Variants in BTF3L4 observed in about 807,000 individuals in gnomAD.
The protein encoded by BTF3L4 is transcription factor BTF3 homolog 4.
Under a neutral mutation model 16.8 loss-of-function variants are expected in BTF3L4, and 6 were observed. The ratio of observed to expected loss-of-function variants is 0.36; its 90% CI spans 0.20 to 0.71. The LOEUF (loss-of-function observed/expected upper bound fraction) is 0.71, where lower values mean the gene tolerates loss of function less well. Ranked by LOEUF, BTF3L4 falls within the 30% of genes least tolerant of loss-of-function variation. The pLI is 0.58. For missense variants in BTF3L4, 92 were observed against 186.9 expected (o/e 0.49, Z 2.96); for synonymous variants, 39 against 59.8 (o/e 0.65, Z 1.60).
chr1:52,067,031 G>A (rs1289121997), intron 3 of BTF3L4, among the ~76,000 whole-genome samples: 1 of 152,042 alleles, frequency 6.6e-6, no homozygotes, highest in Non-Finnish European at 1.5e-5. Context: ...GAGGTCAGGA[G>A]TTTGAGACCA....
chr1:52,079,872 CTTT>C (rs71579905), intron 3 of BTF3L4, among the ~76,000 whole-genome samples: 5 of 5,258 alleles, frequency 9.5e-4, no homozygotes, highest in African/African-American at 1.3e-3. Context: ...CTTTTCTTTT[CTTT>C]TTTTTTTTTT....
intron 3 of BTF3L4, among the ~76,000 whole-genome samples, chr1:52,067,946 C>T (rs933034638): frequency 5.3e-5 from 8 of 152,134 alleles, no homozygotes; most frequent in African/African-American, 1.7e-4. Context: ...GCCATGTATA[C>T]GTACCTTGCA....
At chr1:52,082,791 A>T (rs946504399) in intron 3 of BTF3L4, among the ~76,000 whole-genome samples, 2 of 152,048 alleles carry the variant, frequency 1.3e-5, no homozygotes, top group Non-Finnish European at 1.5e-5. Context: ...AAAGAATGGC[A>T]TGATTAGAAC....
chr1:52,074,510 T>C (rs1339435683), intron 3 of BTF3L4, among the ~76,000 whole-genome samples: 1 of 152,020 alleles, frequency 6.6e-6, no homozygotes, highest in Non-Finnish European at 1.5e-5. Context: ...ACTACAGGCA[T>C]GCACCACCAT....
rs569855635 is a variant in BTF3L4, at chr1:52,057,417, A to C, written c.-14+1038A>C. Among the ~76,000 whole-genome samples, 13 of 152,342 alleles carry C rather than the reference A, an allele frequency of 8.5e-5. No individual in the cohort carries two copies. The South Asian group carries it at 2.7e-3, about 32-fold the overall frequency. ...AACTCATTAATCATGTGGCTTTAGG[A>C]AGTTACTTCTCCCTTTTGGGCCTAG... On this transcript the variant is annotated intron_variant, in intron 1 of 5. Coordinates refer to ENST00000313334, the MANE Select transcript of BTF3L4 (RefSeq NM_152265.5).
Position 52,085,571 on chromosome 1 carries a change from C to T in BTF3L4, c.371-541C>T, listed in dbSNP as rs561748124. 2.7e-4 allele frequency among the ~76,000 whole-genome samples: 41 copies of T among 151,894 alleles called. 1 individual carries two copies. The South Asian group carries it at 6.4e-3, about 24-fold the overall frequency. On this transcript the variant is annotated intron_variant, in intron 4 of 5. Coordinates refer to ENST00000313334, the MANE Select transcript of BTF3L4 (RefSeq NM_152265.5). ...GCATATAAATTTTATCTTTGTAGGCCGTGTGTGGTGGCTTATGTCGGTAAT... is the reference window on the plus strand; with the variant it reads ...GCATATAAATTTTATCTTTGTAGGCTGTGTGTGGTGGCTTATGTCGGTAAT...
chr1:52,063,891 C>G (rs1686580997), intron 2 of BTF3L4, among the ~76,000 whole-genome samples: 1 of 152,228 alleles, frequency 6.6e-6, no homozygotes, highest in African/African-American at 2.4e-5. Flanking sequence ...AGGACGGCTA[C>G]AGGAGCCTCC....
At position 52,089,921 on chromosome 1, in the gene BTF3L4, C is replaced by T. The variant is rs3015299; in HGVS notation, c.*3163C>T. 6.6e-6 allele frequency: 1 copy of T among 152,202 alleles called. No individual in the cohort carries two copies. The highest frequency in any genetic ancestry group is 2.4e-5 in the African/African-American group (1 of 41,436). 9.4% of individuals were successfully genotyped at this position (152,202 alleles called of 1,614,324 possible). ...AGTTCTTATGAAAAACCCATATCTG[C>T]GATATGTTTGATTTGTTTCTTTGTT... On this transcript the variant is annotated 3_prime_UTR_variant, in exon 6 of 6. Transcript: ENST00000313334.
chr1:52,059,484 A>G (rs1469189820), intron 1 of BTF3L4, among the ~76,000 whole-genome samples: 1 of 152,134 alleles, frequency 6.6e-6, no homozygotes, highest in African/African-American at 2.4e-5. Context: ...TCTTTGGGGG[A>G]AAAAAACTGG....
At chr1:52,071,846 A>G (rs1233037719) in intron 3 of BTF3L4, among the ~76,000 whole-genome samples, 1 of 151,198 alleles carries the variant, frequency 6.6e-6, no homozygotes, top group East Asian at 1.9e-4. Flanking sequence ...GGGAAGCACC[A>G]TGTCCTATTC....
rs952231209 is a variant in BTF3L4, at chr1:52,089,272, C to G, written c.*2514C>G. ...TAGAGGATCTCTGGCCAAGTATTCC[C>G]TTTTATTGTATTGATAACAATTCTT... On this transcript the variant is annotated 3_prime_UTR_variant, in exon 6 of 6. Transcript: ENST00000313334. 2 of 152,080 alleles carry G rather than the reference C, an allele frequency of 1.3e-5. No individual in the cohort carries two copies. Among genetic ancestry groups the G allele is most frequent in the East Asian group, 3.9e-4 (2 of 5,194 alleles). The allele number at this position is 152,080 out of a possible 1,614,324, so 9.4% of individuals were successfully genotyped here. A position where few individuals can be genotyped will look rare whatever the true frequency, so the allele number is the denominator to read the frequency against.
intron 3 of BTF3L4, 28 bp downstream of exon 3, chr1:52,064,966 T>C (rs1686607811): frequency 7.2e-7 from 1 of 1,382,490 alleles, no homozygotes; most frequent in East Asian, 2.3e-5. Flanking sequence ...GTTGTTAAAT[T>C]GTGTGGGTAC....
rs764763479 is a variant in BTF3L4 at position 52,085,013 on chromosome 1, C to CTTTT, written c.371-1077_371-1074dup. Among the ~76,000 whole-genome samples, 83 of 58,530 alleles carry CTTTT rather than the reference C, an allele frequency of 1.4e-3. 2 individuals carry two copies. Among genetic ancestry groups the CTTTT allele is most frequent in the Middle Eastern group, 0.025 (1 of 40 alleles). 38.4% of individuals were successfully genotyped at this position (58,530 alleles called of 152,430 possible). A position where few individuals can be genotyped will look rare whatever the true frequency, so the allele number is the denominator to read the frequency against. ...TTACACCAAAAGAAATGAAAAAAAT[C>CTTTT]TTTTTTTTTTTTTTTTTTTTTTTTT... On this transcript the variant is annotated intron_variant, in intron 4 of 5. Coordinates refer to ENST00000313334, the MANE Select transcript of BTF3L4 (RefSeq NM_152265.5).
At chr1:52,082,404 G>A (rs753512402) in intron 3 of BTF3L4, among the ~76,000 whole-genome samples, 5 of 152,116 alleles carry the variant, frequency 3.3e-5, no homozygotes, top group Non-Finnish European at 5.9e-5. Context: ...GACCTTTACA[G>A]GGGTTATTAA....
intron 3 of BTF3L4, among the ~76,000 whole-genome samples, chr1:52,074,904 C>T (rs1447194152): frequency 1.3e-5 from 2 of 151,432 alleles, no homozygotes; most frequent in Non-Finnish European, 2.9e-5. Context: ...TGAGAGATTC[C>T]ATCACCATGC....
chr1:52,073,529 CAT>C (rs1213467869), intron 3 of BTF3L4, among the ~76,000 whole-genome samples: 43 of 143,550 alleles, frequency 3.0e-4, no homozygotes, highest in African/African-American at 8.1e-4. Flanking sequence ...CACACACACA[CAT>C]ATGATTACAG....
intron 3 of BTF3L4, among the ~76,000 whole-genome samples, chr1:52,071,931 CTGTGTGTGTGTGTGTGTGTGTGTGTG>C (rs59491944): frequency 3.9e-5 from 5 of 127,898 alleles, no homozygotes; most frequent in South Asian, 2.6e-4. Context: ...GTTTTTTACT[CTGTGTGTGTGTGTGTGTGTGTGTGTG>C]TGTGTGTGTG....
At chr1:52,066,309 A>G (rs1052484056) in intron 3 of BTF3L4, among the ~76,000 whole-genome samples, 5 of 151,142 alleles carry the variant, frequency 3.3e-5, no homozygotes, top group Admixed American at 3.3e-4. Flanking sequence ...TTTCTGCCTC[A>G]GTCTCCAGAG....
At position 52,061,398 on chromosome 1, in the gene BTF3L4, G is replaced by C. The variant is rs558565043; in HGVS notation, c.54+1497G>C. 2.0e-5 allele frequency among the ~76,000 whole-genome samples: 3 copies of C among 147,362 alleles called. No homozygotes were observed. In the South Asian group the frequency reaches 6.5e-4, roughly 32 times the overall value. ...AGCTACTTGGGAGGCTGAGGCAGGAGAATCACTTGAACCCGGGAGGTGGAA... is the reference window on the plus strand; with the variant it reads ...AGCTACTTGGGAGGCTGAGGCAGGACAATCACTTGAACCCGGGAGGTGGAA... On this transcript the variant is annotated intron_variant, in intron 2 of 5. Transcript: ENST00000313334.
Sources: allele counts gnomAD v4.1 joint callset (sites outside exome capture counted in the v4.1 genomes callset), GRCh38; gene constraint gnomAD v4.1.1; transcripts MANE v1.5; gene names NCBI Gene and HGNC (gene_info 2026-07-23, HGNC 2026-07-21).